The following ROCK1 variants were observed in gnomAD, a reference collection of about 807,000 sequenced individuals.
ROCK1 encodes Rho associated coiled-coil containing protein kinase 1.
ROCK1 carries 36 observed loss-of-function variants against 196.8 expected under a neutral mutation model. The observed-to-expected ratio is 0.18, with a 90% CI of 0.14 to 0.24. The LOEUF is 0.24. Ranked by LOEUF, ROCK1 falls within the 10% of genes least tolerant of loss-of-function variation. The pLI, the probability that ROCK1 is intolerant of heterozygous loss-of-function variation, is 1.00. For synonymous variants in ROCK1, 443 were observed against 515.9 expected, an observed-to-expected ratio of 0.86 and a Z score of 1.91; for missense variants, 920 against 1,562.0, an observed-to-expected ratio of 0.59 and a Z score of 6.93.
intron 1 of ROCK1, among the ~76,000 whole-genome samples, chr18:21,076,324 T>C (rs2036431013): frequency 6.6e-6 from 1 of 151,860 alleles, no homozygotes; most frequent in Non-Finnish European, 1.5e-5. Flanking sequence ...GCTAATACGG[T>C]GAAACCCCGT....
chr18:20,966,827 A>C, intron 27 of ROCK1, 90 bp downstream of exon 27: 1 of 1,022,816 alleles, frequency 9.8e-7, no homozygotes, highest in East Asian at 2.5e-5. Flanking sequence ...CATGGACAAA[A>C]TGACAAGGAG....
At chr18:21,038,733 C>T (rs958993306) in intron 9 of ROCK1, among the ~76,000 whole-genome samples, 8 of 152,166 alleles carry the variant, frequency 5.3e-5, no homozygotes, top group African/African-American at 1.7e-4. Context: ...GATACATTAT[C>T]CTTTCTCTGA....
At chr18:21,015,742 C>G (rs1303040905) in intron 12 of ROCK1, among the ~76,000 whole-genome samples, 1 of 151,262 alleles carries the variant, frequency 6.6e-6, no homozygotes, top group African/African-American at 2.4e-5. Flanking sequence ...GAGGCTGAGG[C>G]GGGTGGATCA....
intron 1 of ROCK1, among the ~76,000 whole-genome samples, chr18:21,094,321 G>A (rs577726423): frequency 1.3e-5 from 2 of 152,234 alleles, no homozygotes; most frequent in South Asian, 4.1e-4. Context: ...AATCAACAAA[G>A]TGAGGAGGCA....
intron 1 of ROCK1, among the ~76,000 whole-genome samples, chr18:21,109,483 TTAC>T (rs753580548): frequency 3.3e-5 from 5 of 152,214 alleles, no homozygotes; most frequent in South Asian, 2.1e-4. Context: ...ATAGAAATCC[TTAC>T]TACAAGATAT....
chr18:20,961,495 A>G (rs1032572346), intron 27 of ROCK1, among the ~76,000 whole-genome samples: 2 of 152,154 alleles, frequency 1.3e-5, no homozygotes, highest in African/African-American at 4.8e-5. Flanking sequence ...CACTTACAAA[A>G]GAAGAGACTA....
intron 2 of ROCK1, among the ~76,000 whole-genome samples, chr18:21,061,769 G>A (rs2036293321): frequency 6.6e-6 from 1 of 152,140 alleles, no homozygotes; most frequent in Admixed American, 6.5e-5. Flanking sequence ...GGAAACTAAG[G>A]CTAAAGACAA....
intron 2 of ROCK1, among the ~76,000 whole-genome samples, chr18:21,058,442 C>T (rs1436532441): frequency 3.3e-5 from 5 of 151,850 alleles, no homozygotes; most frequent in Non-Finnish European, 5.9e-5. Context: ...ACATTATGTA[C>T]CTTGTACTGT....
intron 2 of ROCK1, 83 bp downstream of exon 2, chr18:21,070,449 A>G: frequency 1.5e-6 from 1 of 680,118 alleles, no homozygotes; most frequent in South Asian, 2.5e-5. Context: ...AAGTAAATAG[A>G]AGAAAAAATA....
chr18:21,097,920 T>C (rs1438270354), intron 1 of ROCK1, among the ~76,000 whole-genome samples: 1 of 152,244 alleles, frequency 6.6e-6, no homozygotes, highest in Non-Finnish European at 1.5e-5. Context: ...CCAGAATTCA[T>C]GCCTGACAAG....
intron 1 of ROCK1, among the ~76,000 whole-genome samples, chr18:21,085,181 C>T (rs1408067016): frequency 6.6e-6 from 1 of 151,810 alleles, no homozygotes; most frequent in Non-Finnish European, 1.5e-5. Context: ...GGTGAAAACA[C>T]AAAATTGTGA....
chr18:21,069,378 C>T (rs1299403454), intron 2 of ROCK1, among the ~76,000 whole-genome samples: 1 of 151,924 alleles, frequency 6.6e-6, no homozygotes, highest in East Asian at 1.9e-4. Context: ...CATTTTTCTC[C>T]AATTTAAAAA....
rs1221744730 is a variant in ROCK1 at position 21,049,861 on chromosome 18, T to C, written c.195A>G (p.Lys65=). 2 of 1,599,648 alleles carry C rather than the reference T, an allele frequency of 1.3e-6. No homozygotes were observed. Among genetic ancestry groups the C allele is most frequent in the Admixed American group, 3.4e-5 (2 of 58,854 alleles). The stretch of plus-strand genomic sequence containing the variant: ...CAGCTTTCATTCGTAAATCTCTGAT[T>C]TTATTTATTGTGTCTTTATCTGTAT... ...FLSRYKDTIN[K]IRDLRMKAED... is the part of the protein sequence containing the mutation. Residue 65 remains lysine (K), a synonymous_variant, in exon 3 of 33, where the codon AAA becomes AAG. Coordinates refer to ENST00000399799, the MANE Select transcript of ROCK1 (RefSeq NM_005406.3).
At chr18:20,968,402 G>A in intron 25 of ROCK1, 1 of 184,422 alleles carries the variant, frequency 5.4e-6, no homozygotes, top group Non-Finnish European at 1.1e-5. Context: ...TGCCTCCTGG[G>A]TTCAAGCAAT....
intron 2 of ROCK1, 111 bp from the exon 3 acceptor site, chr18:21,049,991 G>A (rs185436086): frequency 3.8e-6 from 2 of 520,122 alleles, no homozygotes. Flanking sequence ...CAAACTTCAT[G>A]AAGAATTATT....
chr18:21,014,322 C>T (rs973448661), intron 13 of ROCK1, among the ~76,000 whole-genome samples: 4 of 152,106 alleles, frequency 2.6e-5, no homozygotes, highest in African/African-American at 7.2e-5. Flanking sequence ...TTTCTCAGGA[C>T]GCAAGTAACC....
chr18:21,090,751 T>C (rs1265747151), intron 1 of ROCK1, among the ~76,000 whole-genome samples: 4 of 152,190 alleles, frequency 2.6e-5, no homozygotes, highest in African/African-American at 4.8e-5. Context: ...TAAATGTTTA[T>C]TGAAAACTTA....
intron 2 of ROCK1, among the ~76,000 whole-genome samples, chr18:21,062,559 G>A (rs1228190705): frequency 1.3e-5 from 2 of 152,080 alleles, no homozygotes; most frequent in African/African-American, 4.8e-5. Context: ...AAATGGGGGA[G>A]AAAAGGCAAA....
chr18:20,998,020 A>G (rs1329373637), intron 16 of ROCK1, among the ~76,000 whole-genome samples: 1 of 152,006 alleles, frequency 6.6e-6, no homozygotes, highest in African/African-American at 2.4e-5. Flanking sequence ...TATTTTTAGT[A>G]GAGACAGGGT....
Sources: allele counts gnomAD v4.1 joint callset (sites outside exome capture counted in the v4.1 genomes callset), GRCh38; gene constraint gnomAD v4.1.1; transcripts MANE v1.5; gene names NCBI Gene and HGNC (gene_info 2026-07-23, HGNC 2026-07-21).